The following SFI1 variants were observed in gnomAD, a reference collection of about 807,000 sequenced individuals.
SFI1 encodes the protein protein SFI1 homolog.
In SFI1, 195 loss-of-function variants were observed where a neutral mutation model predicts 207.5. That is an observed-to-expected ratio of 0.94 (90% CI 0.84 to 1.06). SFI1 has a LOEUF of 1.06. SFI1 is among the 50% of genes least tolerant of loss of function. SFI1 has a pLI of 0.00. For missense variants in SFI1, 1,634 were observed against 1,588.0 expected (o/e 1.03, Z -0.49); for synonymous variants, 630 against 598.9 (o/e 1.05, Z -0.76).
At chr22:31,602,993 G>A (rs1418109751) in intron 17 of SFI1, among the ~76,000 whole-genome samples, 1 of 152,234 alleles carries the variant, frequency 6.6e-6, no homozygotes, top group Admixed American at 6.5e-5. Flanking sequence ...AGCACTTTGG[G>A]AGGCTGAGGC....
intron 12 of SFI1, among the ~76,000 whole-genome samples, chr22:31,581,417 T>C (rs1208978371): frequency 2.0e-5 from 3 of 152,088 alleles, no homozygotes; most frequent in Admixed American, 2.0e-4. Context: ...GCCTCCCAAG[T>C]AGCTGGGATC....
chr22:31,525,717 C>CATAGATAGATAGATAG (rs71722302), intron 2 of SFI1, among the ~76,000 whole-genome samples: 2 of 148,606 alleles, frequency 1.3e-5, no homozygotes, highest in Admixed American at 6.8e-5. Flanking sequence ...CTCTGTCATT[C>CATAGATAGATAGATAG]ATAGATAGAT....
At chr22:31,557,471 G>A (rs2061280961) in intron 7 of SFI1, among the ~76,000 whole-genome samples, 1 of 151,948 alleles carries the variant, frequency 6.6e-6, no homozygotes, top group East Asian at 1.9e-4. Flanking sequence ...TTATAGGCAT[G>A]AGCCACCATG....
At chr22:31,612,401 ATAT>A (rs2070460686) in intron 24 of SFI1, 1 of 63,012 alleles carries the variant, frequency 1.6e-5, no homozygotes, top group Non-Finnish European at 3.0e-5. Flanking sequence ...AAAAAAAAAT[ATAT>A]ATATATATAT....
In SFI1 at chr22:31,614,222, C is replaced by G. The variant is rs144068500; in HGVS notation, c.2996+367C>G. 631 of 351,180 alleles carry G rather than the reference C, an allele frequency of 1.8e-3. 4 individuals are homozygous for G. The highest frequency in any genetic ancestry group is 0.012 in the African/African-American group (566 of 48,628). 21.8% of individuals were successfully genotyped at this position (351,180 alleles called of 1,614,324 possible). A position where few individuals can be genotyped will look rare whatever the true frequency, so the allele number is the denominator to read the frequency against. On this transcript the variant is annotated intron_variant, in intron 27 of 32. Coordinates refer to ENST00000400288, the MANE Select transcript of SFI1 (RefSeq NM_001007467.3). ...CTACCCGTGCCTGCCGGCCTCTCTTCTGCTCCATCACAGCCAAGACACTGG... is the reference window on the plus strand; with the variant it reads ...CTACCCGTGCCTGCCGGCCTCTCTTGTGCTCCATCACAGCCAAGACACTGG...
rs752821384 is a variant in SFI1, at chr22:31,508,266, A to G, written c.-19A>G. 5.2e-6 allele frequency: 8 copies of G among 1,543,724 alleles called. No individual in the cohort carries two copies. Among genetic ancestry groups the G allele is most frequent in the Non-Finnish European group, 6.3e-6 (7 of 1,117,158 alleles). ...TCTTTTTCTTGTAGTTAGAAGGGGA[A>G]GATAAAAGACTTTGATTCATGAAGA... On this transcript the variant is annotated 5_prime_UTR_variant, in exon 2 of 33. Coordinates refer to ENST00000400288, the MANE Select transcript of SFI1 (RefSeq NM_001007467.3).
chr22:31,565,969 C>CCCAGTTTCTTT (rs2062254838), intron 8 of SFI1, among the ~76,000 whole-genome samples: 1 of 152,022 alleles, frequency 6.6e-6, no homozygotes, highest in African/African-American at 2.4e-5. Context: ...ATGCCTGGCC[C>CCCAGTTTCTTT]TATCTATGTG....
intron 4 of SFI1, among the ~76,000 whole-genome samples, 179 bp downstream of exon 4, chr22:31,531,308 T>C (rs1460660914): frequency 1.3e-5 from 2 of 152,194 alleles, no homozygotes; most frequent in Non-Finnish European, 2.9e-5. Context: ...TATCTGTTAG[T>C]TGACTGCAGC....
intron 8 of SFI1, among the ~76,000 whole-genome samples, chr22:31,570,405 A>G (rs2062831675): frequency 6.6e-6 from 1 of 152,220 alleles, no homozygotes; most frequent in Admixed American, 6.5e-5. Context: ...CTGCAGGAGA[A>G]GCAGGTTTGT....
chr22:31,522,347 C>CT, intron 2 of SFI1, among the ~76,000 whole-genome samples: 1 of 152,084 alleles, frequency 6.6e-6, no homozygotes. Context: ...CGTGAGCCAC[C>CT]ACGCCTGGCC....
chr22:31,598,053 C>T (rs2067414517), intron 15 of SFI1, among the ~76,000 whole-genome samples: 1 of 151,670 alleles, frequency 6.6e-6, no homozygotes, highest in Non-Finnish European at 1.5e-5. Flanking sequence ...TCTTGGCTCA[C>T]TGCAAGCTCC....
chr22:31,576,629 A>T (rs890524925), intron 10 of SFI1, among the ~76,000 whole-genome samples: 1 of 151,396 alleles, frequency 6.6e-6, no homozygotes, highest in Non-Finnish European at 1.5e-5. Context: ...CTCTATGTAT[A>T]AACTCTTTTT....
At chr22:31,535,481 G>T (rs948217537) in intron 4 of SFI1, among the ~76,000 whole-genome samples, 3 of 151,082 alleles carry the variant, frequency 2.0e-5, no homozygotes, top group Non-Finnish European at 4.4e-5. Flanking sequence ...GAGCCACCGC[G>T]CCTGACCTTT....
intron 24 of SFI1, chr22:31,612,191 A>G: frequency 2.2e-6 from 1 of 458,068 alleles, no homozygotes; most frequent in Non-Finnish European, 2.9e-6. Context: ...ATCCTGGCTA[A>G]CACGGTGAAA....
intron 8 of SFI1, among the ~76,000 whole-genome samples, chr22:31,565,701 A>AAAAT (rs551290438): frequency 0.012 from 1,766 of 152,228 alleles, 10 homozygotes; most frequent in Middle Eastern, 0.031. Context: ...CCCTGTCTCA[A>AAAAT]AAATAAATAA....
At chr22:31,592,853 G>C (rs1362084610) in intron 15 of SFI1, among the ~76,000 whole-genome samples, 1 of 139,620 alleles carries the variant, frequency 7.2e-6, no homozygotes, top group South Asian at 2.2e-4. Flanking sequence ...GGCCAGGCGG[G>C]GGGGCTGACC....
At chr22:31,604,967 C>A in intron 20 of SFI1, 22 bp downstream of exon 20, 1 of 1,571,882 alleles carries the variant, frequency 6.4e-7, no homozygotes, top group Non-Finnish European at 8.6e-7. Context: ...GGGCGCCTCC[C>A]AAGCTCCAGC....
At chr22:31,607,116 C>A (rs2069164781) in intron 21 of SFI1, among the ~76,000 whole-genome samples, 1 of 152,074 alleles carries the variant, frequency 6.6e-6, no homozygotes, top group Non-Finnish European at 1.5e-5. Context: ...CTCCCTTCCC[C>A]TGGAAGAAGG....
chr22:31,508,738 T>C (rs2055038339), intron 2 of SFI1, among the ~76,000 whole-genome samples: 1 of 152,168 alleles, frequency 6.6e-6, no homozygotes, highest in Admixed American at 6.6e-5. Flanking sequence ...ACTGTATCTC[T>C]CCAATGAAGC....
Sources: gnomAD v4.1 joint callset for allele counts (sites outside exome capture counted in the v4.1 genomes callset) on GRCh38, gnomAD v4.1.1 for gene constraint, MANE v1.5 for transcripts, NCBI Gene and HGNC (gene_info 2026-07-23, HGNC 2026-07-21) for gene names.